AGO3: variants seen among roughly 807,000 people sequenced by gnomAD.
AGO3 encodes the protein protein argonaute-3.
A neutral mutation model predicts 105.5 loss-of-function variants in AGO3; 16 were observed. That is an observed-to-expected ratio of 0.15 (90% CI 0.10 to 0.23). The LOEUF is 0.23. AGO3 is among the 10% of genes least tolerant of loss of function. AGO3 has a pLI of 1.00. For missense variants in AGO3, 534 were observed against 1,088.0 expected (o/e 0.49, Z 7.16); for synonymous variants, 340 against 367.3 (o/e 0.93, Z 0.85).
At chr1:35,960,371 T>C (rs1187011604) in intron 2 of AGO3, among the ~76,000 whole-genome samples, 2 of 152,254 alleles carry the variant, frequency 1.3e-5, no homozygotes, top group Non-Finnish European at 2.9e-5. Context: ...TCCCAGTTAC[T>C]CAGAAGGCTA....
chr1:36,048,563 GATA>G (rs1344604713), intron 17 of AGO3, among the ~76,000 whole-genome samples: 10 of 151,968 alleles, frequency 6.6e-5, no homozygotes, highest in African/African-American at 2.4e-4. Flanking sequence ...AACCCACCAT[GATA>G]ATAAGAAGAA....
At chr1:35,960,734 C>G (rs967698449) in intron 2 of AGO3, among the ~76,000 whole-genome samples, 2 of 151,862 alleles carry the variant, frequency 1.3e-5, no homozygotes, top group Non-Finnish European at 2.9e-5. Flanking sequence ...AAAGATGACT[C>G]TCTTTGTAGC....
At chr1:35,930,997 T>G (rs1400450125), upstream of AGO3, 1 of 348,290 alleles carries the variant, frequency 2.9e-6, no homozygotes. Flanking sequence ...CGGCCGCTCC[T>G]GCCCCGACGT....
chr1:36,064,544 A>G lies in AGO3; in HGVS notation c.*8799A>G, dbSNP rs968398357. The G allele has an allele frequency of 3.3e-5, 5 of 152,172 alleles. No individual in the cohort carries two copies. Among genetic ancestry groups the G allele is most frequent in the African/African-American group, 1.2e-4 (5 of 41,444 alleles). 9.4% of individuals were successfully genotyped at this position (152,172 alleles called of 1,614,324 possible). Reference sequence around the variant, plus strand: ...CTGTATTCCATCCTCTGGGTTTTCAATTCTAAATTATTGGAGCTCAATGTA... The same window carrying G: ...CTGTATTCCATCCTCTGGGTTTTCAGTTCTAAATTATTGGAGCTCAATGTA... On this transcript the variant is annotated 3_prime_UTR_variant, in exon 19 of 19. Coordinates refer to ENST00000373191, the MANE Select transcript of AGO3 (RefSeq NM_024852.4).
At chr1:35,945,437 T>C (rs1646345712) in intron 1 of AGO3, among the ~76,000 whole-genome samples, 1 of 152,098 alleles carries the variant, frequency 6.6e-6, no homozygotes, top group Non-Finnish European at 1.5e-5. Context: ...GTCAGCTTGG[T>C]TTGTGTGATT....
intron 2 of AGO3, among the ~76,000 whole-genome samples, chr1:35,957,150 G>T (rs1205395552): frequency 6.6e-6 from 1 of 151,882 alleles, no homozygotes; most frequent in Non-Finnish European, 1.5e-5. Context: ...AGGAGTCTGA[G>T]ACCAGCCTGG....
At chr1:35,985,204 G>GCCCA (rs1244101460) in intron 5 of AGO3, among the ~76,000 whole-genome samples, 2 of 152,024 alleles carry the variant, frequency 1.3e-5, no homozygotes, top group Non-Finnish European at 2.9e-5. Flanking sequence ...AATCGCTTGA[G>GCCCA]CCCAGAAGTC....
intron 1 of AGO3, among the ~76,000 whole-genome samples, chr1:35,937,897 C>T (rs1291928188): frequency 1.3e-5 from 2 of 151,736 alleles, no homozygotes; most frequent in Non-Finnish European, 2.9e-5. Flanking sequence ...GCAGACTTAA[C>T]ATGTATAAAA....
chr1:36,054,828 T>G lies in AGO3; in HGVS notation c.2275-118T>G, dbSNP rs1263351966. The G allele has an allele frequency of 3.2e-6, 3 of 923,442 alleles. No homozygotes were observed. In the African/African-American group the frequency reaches 4.9e-5, roughly 15 times the overall value. The allele number at this position is 923,442 out of a possible 1,614,324, so 57.2% of individuals were successfully genotyped here. On this transcript the variant is annotated intron_variant, in intron 17 of 18. Transcript: ENST00000373191. Reference sequence around the variant, plus strand: ...GCCCCAGAGGTGGAGGTTGCAGTGATCTGAGATCACGCCATTGCACTTCAG... The same window carrying G: ...GCCCCAGAGGTGGAGGTTGCAGTGAGCTGAGATCACGCCATTGCACTTCAG...
intron 2 of AGO3, among the ~76,000 whole-genome samples, chr1:35,947,204 G>A (rs1646382746): frequency 6.6e-6 from 1 of 152,012 alleles, no homozygotes; most frequent in South Asian, 2.1e-4. Flanking sequence ...AGGCTTAAGG[G>A]GAAGGTTCTT....
At chr1:36,000,598 G>A (rs988201164) in intron 5 of AGO3, among the ~76,000 whole-genome samples, 1 of 152,076 alleles carries the variant, frequency 6.6e-6, no homozygotes, top group South Asian at 2.1e-4. Context: ...GGCAAAATAA[G>A]CATATTATTC....
chr1:36,050,514 G>A (rs779864510), intron 17 of AGO3, among the ~76,000 whole-genome samples: 9 of 147,462 alleles, frequency 6.1e-5, no homozygotes, highest in African/African-American at 2.3e-4. Flanking sequence ...AATAATTGCC[G>A]GGTGTGGTAG....
rs1643049248 is a variant in AGO3, at chr1:36,063,498, T to A, written c.*7753T>A. The A allele has an allele frequency of 1.3e-5, 2 of 152,154 alleles. No homozygotes were observed. Among genetic ancestry groups the A allele is most frequent in the Non-Finnish European group, 2.9e-5 (2 of 68,034 alleles). 9.4% of individuals were successfully genotyped at this position (152,154 alleles called of 1,614,324 possible). On this transcript the variant is annotated 3_prime_UTR_variant, in exon 19 of 19. Transcript: ENST00000373191. ...AAAATTCATTGAATTGACTTTGAAATGAAACTTTTCCCCCATAATTTGTTA... is the reference window on the plus strand; with the variant it reads ...AAAATTCATTGAATTGACTTTGAAAAGAAACTTTTCCCCCATAATTTGTTA...
intron 13 of AGO3, 134 bp from the exon 14 acceptor site, chr1:36,036,043 A>G: frequency 1.3e-6 from 1 of 768,320 alleles, no homozygotes; most frequent in Non-Finnish European, 2.0e-6. Context: ...AAAAAAAAAA[A>G]AAAAAAAAAA....
At chr1:36,035,752 G>T (rs574655259) in intron 13 of AGO3, among the ~76,000 whole-genome samples, 2 of 152,282 alleles carry the variant, frequency 1.3e-5, no homozygotes, top group African/African-American at 2.4e-5. Context: ...CTTTGGATTG[G>T]CCGGGTGCGG....
chr1:35,961,712 A>AGT (rs1557653278), intron 2 of AGO3, among the ~76,000 whole-genome samples: 1 of 152,208 alleles, frequency 6.6e-6, no homozygotes, highest in Non-Finnish European at 1.5e-5. Flanking sequence ...AATTGAACAG[A>AGT]GTACTCCAAG....
intron 5 of AGO3, among the ~76,000 whole-genome samples, chr1:35,987,501 A>C (rs977996137): frequency 6.6e-6 from 1 of 152,044 alleles, no homozygotes; most frequent in African/African-American, 2.4e-5. Flanking sequence ...TCAAAAAAAA[A>C]GCAAAAGGAT....
rs932409789 is a variant in AGO3 at position 36,008,146 on chromosome 1, C to T, written c.794-544C>T. On this transcript the variant is annotated intron_variant, in intron 6 of 18. Transcript: ENST00000373191. The surrounding 1 kb of genome is among the most constrained non-coding windows in gnomAD (Gnocchi z 5.1). ...AAAAGAGCTGTGTCACTATATTATACCTCTATAAAAGTGTCACTTTGCTTC... is the reference window on the plus strand; with the variant it reads ...AAAAGAGCTGTGTCACTATATTATATCTCTATAAAAGTGTCACTTTGCTTC... Among the ~76,000 whole-genome samples the T allele has an allele frequency of 6.6e-6, 1 of 152,098 alleles. No individual in the cohort carries two copies. The highest frequency in any genetic ancestry group is 1.5e-5 in the Non-Finnish European group (1 of 68,028).
intron 13 of AGO3, 103 bp from the exon 14 acceptor site, chr1:36,036,074 C>T: frequency 9.3e-7 from 1 of 1,079,912 alleles, no homozygotes; most frequent in Admixed American, 2.1e-5. Context: ...ATAGGACTTC[C>T]TCTGTGCTGT....
Sources: gnomAD v4.1 joint callset for allele counts (sites outside exome capture counted in the v4.1 genomes callset) on GRCh38, gnomAD v4.1.1 for gene constraint, Gnocchi (gnomAD v3.1) non-coding constraint, MANE v1.5 for transcripts, NCBI Gene and HGNC (gene_info 2026-07-23, HGNC 2026-07-21) for gene names.